FAAH2: variants seen among roughly 807,000 people sequenced by gnomAD.
The protein encoded by FAAH2 is fatty-acid amide hydrolase 2.
In FAAH2, 60 loss-of-function variants were observed where a neutral mutation model predicts 36.9. The ratio of observed to expected loss-of-function variants is 1.63; its 90% CI spans 1.32 to 2.02. The LOEUF (loss-of-function observed/expected upper bound fraction) is 2.02. Ranked by LOEUF, FAAH2 falls within the 30% of genes most tolerant of loss-of-function variation. The pLI is 0.00. For missense variants in FAAH2, 689 were observed against 397.5 expected, an observed-to-expected ratio of 1.73 and a Z score of -6.23; for synonymous variants, 214 against 143.8, an observed-to-expected ratio of 1.49 and a Z score of -3.49.
intron 4 of FAAH2, among the ~76,000 whole-genome samples, chrX:57,338,389 T>C (rs1428631050): frequency 8.9e-6 from 1 of 111,834 alleles, no homozygotes; most frequent in African/African-American, 3.3e-5. Flanking sequence ...TGGAATGTCA[T>C]CAGTTAAGGC....
chrX:57,478,122 C>G (rs7880767), intron 10 of FAAH2, among the ~76,000 whole-genome samples: 16 of 111,877 alleles, frequency 1.4e-4, no homozygotes, highest in South Asian at 1.1e-3. Flanking sequence ...GAAAGTGTTC[C>G]TATTTCCCCA....
rs1242491534 is a variant in FAAH2, at chrX:57,381,094, T to C, written c.996+65T>C. On this transcript the variant is annotated intron_variant, in intron 7 of 10. Transcript: ENST00000374900. ...CAAAGAGATATCCTTCTGAGCCCTT[T>C]ACTTCACTTACTGCCAAATATTTCT... The C allele has an allele frequency of 1.0e-5, 8 of 766,830 alleles. No homozygotes were observed. The African/African-American group carries it at 1.1e-4, about 10-fold the overall frequency. The allele number at this position is 766,830 out of a possible 1,213,427, so 63.2% of individuals were successfully genotyped here. A position where few individuals can be genotyped will look rare whatever the true frequency, so the allele number is the denominator to read the frequency against.
intron 7 of FAAH2, among the ~76,000 whole-genome samples, chrX:57,397,324 G>A (rs2055328987): frequency 8.9e-6 from 1 of 111,786 alleles, no homozygotes; most frequent in South Asian, 3.7e-4. Flanking sequence ...TATATGCTTT[G>A]TAGTCTCAAT....
intron 7 of FAAH2, among the ~76,000 whole-genome samples, chrX:57,383,841 A>G (rs1312745782): frequency 1.9e-4 from 21 of 111,959 alleles, no homozygotes; most frequent in Non-Finnish European, 3.9e-4. Context: ...TTCATATGGA[A>G]CCAAAAAAGA....
intron 10 of FAAH2, among the ~76,000 whole-genome samples, chrX:57,486,442 G>C (rs2057475821): frequency 8.9e-6 from 1 of 111,795 alleles, no homozygotes; most frequent in Non-Finnish European, 1.9e-5. Flanking sequence ...AGGGACTTCA[G>C]CTAAGCAAAC....
intron 10 of FAAH2, among the ~76,000 whole-genome samples, chrX:57,476,444 A>G (rs986325127): frequency 1.9e-4 from 21 of 111,539 alleles, no homozygotes; most frequent in African/African-American, 6.5e-4. Context: ...TTCTGCATCT[A>G]TCATGTGGAT....
In FAAH2 at chrX:57,394,273, G is replaced by A. The variant is rs759378990; in HGVS notation, c.996+13244G>A. 44 of 856,604 alleles carry A rather than the reference G, an allele frequency of 5.1e-5. No homozygotes were observed. In the East Asian group the frequency reaches 7.2e-4, roughly 14 times the overall value. 70.6% of individuals were successfully genotyped at this position (856,604 alleles called of 1,213,427 possible). ...GGGCAAGAAGGGCTTGCACCAGCCCGATTGTAGTCGTGCTTTTCCCTTCTC... is the reference window on the plus strand; with the variant it reads ...GGGCAAGAAGGGCTTGCACCAGCCCAATTGTAGTCGTGCTTTTCCCTTCTC... On this transcript the variant is annotated intron_variant, in intron 7 of 10. Coordinates refer to ENST00000374900, the MANE Select transcript of FAAH2 (RefSeq NM_174912.4).
chrX:57,137,488 G>C, the FAAH2 span: 2 of 253,793 alleles, frequency 7.9e-6, no homozygotes, highest in African/African-American at 5.9e-5. Flanking sequence ...GCTGCCACCA[G>C]TCCCTGATGC....
upstream of FAAH2, among the ~76,000 whole-genome samples, chrX:57,282,330 G>A (rs777200601): frequency 1.8e-5 from 2 of 112,023 alleles, no homozygotes; most frequent in South Asian, 3.7e-4. Flanking sequence ...GTGATGATGA[G>A]CATTTTTTTA....
chrX:57,317,556 C>A (rs920900379), intron 3 of FAAH2, among the ~76,000 whole-genome samples: 2 of 111,449 alleles, frequency 1.8e-5, no homozygotes, highest in African/African-American at 6.5e-5. Context: ...GAGTCCTACA[C>A]CATAATAGTG....
intron 7 of FAAH2, among the ~76,000 whole-genome samples, chrX:57,420,177 G>A (rs1309659936): frequency 9.0e-6 from 1 of 111,432 alleles, no homozygotes; most frequent in Admixed American, 9.5e-5. Flanking sequence ...TGTTCTTTTG[G>A]CTTAGGATTG....
At chrX:57,209,280 G>A in the FAAH2 span, among the ~76,000 whole-genome samples, 1 of 112,188 alleles carries the variant, frequency 8.9e-6, no homozygotes, top group Admixed American at 9.4e-5. Context: ...AGCTTAGAAT[G>A]TTCTGAGTTT....
intron 7 of FAAH2, among the ~76,000 whole-genome samples, chrX:57,420,781 G>T (rs895727444): frequency 2.8e-5 from 3 of 109,019 alleles, no homozygotes; most frequent in Non-Finnish European, 5.7e-5. Flanking sequence ...GTGAGAGAGA[G>T]CATCCCTGTC....
chrX:57,454,975 G>A (rs2056843037), intron 10 of FAAH2, among the ~76,000 whole-genome samples: 1 of 110,839 alleles, frequency 9.0e-6, no homozygotes. Flanking sequence ...TACACAAGAT[G>A]ACAAACCGGA....
chrX:57,324,322 G>A (rs1436943188), intron 3 of FAAH2, among the ~76,000 whole-genome samples: 2 of 111,717 alleles, frequency 1.8e-5, no homozygotes, highest in South Asian at 3.7e-4. Context: ...TGGCAATGCG[G>A]GCTCTTTTTT....
chrX:57,331,639 A>G lies in FAAH2; in HGVS notation c.454A>G (p.Ile152Val). 1 of 1,211,779 alleles carries G rather than the reference A, an allele frequency of 8.3e-7. No homozygotes were observed. The highest frequency in any genetic ancestry group is 3.0e-5 in the East Asian group (1 of 33,847). The change falls in exon 4 of 11, where the codon ATT (isoleucine) becomes GTT (valine). Residue 152 changes from isoleucine to valine, a missense_variant. Transcript: ENST00000374900. ...TGGACTCATGAACCGTCGTGATGCC[A>G]TTGCCAAAACAGATGCCACTGTGGT... ...SSGLMNRRDAIAKTDATVVAL... is the reference protein window; with the variant it reads ...SSGLMNRRDAVAKTDATVVAL...
At chrX:57,437,397 A>T (rs2056431437) in intron 8 of FAAH2, among the ~76,000 whole-genome samples, 1 of 110,645 alleles carries the variant, frequency 9.0e-6, no homozygotes, top group Non-Finnish European at 1.9e-5. Flanking sequence ...GGCAAAAGAA[A>T]GAAATAAAAG....
intron 3 of FAAH2, among the ~76,000 whole-genome samples, chrX:57,320,025 A>T (rs1341622375): frequency 8.9e-6 from 1 of 112,225 alleles, no homozygotes; most frequent in Non-Finnish European, 1.9e-5. Flanking sequence ...CTCAAGATGG[A>T]TTAAAGACTT....
chrX:57,322,093 C>T (rs1444198977), intron 3 of FAAH2, among the ~76,000 whole-genome samples: 4 of 110,584 alleles, frequency 3.6e-5, no homozygotes. Flanking sequence ...AGCTCTGCCT[C>T]CCGGGTTCAC....
Sources: gnomAD v4.1 joint callset for allele counts (sites outside exome capture counted in the v4.1 genomes callset) on GRCh38, gnomAD v4.1.1 for gene constraint, MANE v1.5 for transcripts, NCBI Gene and HGNC (gene_info 2026-07-23, HGNC 2026-07-21) for gene names.